The following PTPN4 variants were observed in gnomAD, a reference collection of about 807,000 sequenced individuals.
PTPN4 encodes the protein tyrosine-protein phosphatase non-receptor type 4.
A neutral mutation model predicts 135.5 loss-of-function variants in PTPN4; 49 were observed. The ratio of observed to expected loss-of-function variants is 0.36; its 90% CI spans 0.29 to 0.46. The LOEUF (loss-of-function observed/expected upper bound fraction) is 0.46, where lower values mean the gene tolerates loss of function less well. Ranked by LOEUF, PTPN4 falls within the 20% of genes least tolerant of loss-of-function variation. The pLI, the probability that PTPN4 is intolerant of heterozygous loss-of-function variation, is 1.00. For synonymous variants in PTPN4, 333 were observed against 369.9 expected, an observed-to-expected ratio of 0.90 and a Z score of 1.14; for missense variants, 860 against 1,101.0, an observed-to-expected ratio of 0.78 and a Z score of 3.10.
chr2:119,877,796 C>G (rs973603105), intron 5 of PTPN4, among the ~76,000 whole-genome samples: 1 of 152,098 alleles, frequency 6.6e-6, no homozygotes, highest in Non-Finnish European at 1.5e-5. Context: ...TTAAAAATTT[C>G]TACTTGTGAA....
intron 22 of PTPN4, among the ~76,000 whole-genome samples, chr2:119,958,732 A>C (rs1329152823): frequency 1.3e-5 from 2 of 152,166 alleles, no homozygotes; most frequent in African/African-American, 4.8e-5. Flanking sequence ...ATCAATACAT[A>C]CTGTTGTTTC....
chr2:119,966,509 C>G (rs545478839), intron 25 of PTPN4, among the ~76,000 whole-genome samples: 1 of 152,196 alleles, frequency 6.6e-6, no homozygotes. Flanking sequence ...CCACCTACTT[C>G]GGCCTCACAA....
chr2:119,831,258 G>A (rs1346360011), intron 2 of PTPN4, among the ~76,000 whole-genome samples: 3 of 152,120 alleles, frequency 2.0e-5, no homozygotes, highest in Non-Finnish European at 2.9e-5. Context: ...ATACTCTCCC[G>A]CCCATCGCTC....
chr2:119,892,670 G>A (rs1232182264), intron 9 of PTPN4, among the ~76,000 whole-genome samples: 1 of 152,024 alleles, frequency 6.6e-6, no homozygotes, highest in African/African-American at 2.4e-5. Context: ...GAGAGTATTA[G>A]GGCATGAGAT....
chr2:119,765,172 A>T (rs1218047086), intron 1 of PTPN4, among the ~76,000 whole-genome samples: 1 of 152,260 alleles, frequency 6.6e-6, no homozygotes, highest in Non-Finnish European at 1.5e-5. Context: ...CTTTAAATAC[A>T]AGAGATGATC....
At chr2:119,954,346 T>G (rs1331961167) in intron 19 of PTPN4, among the ~76,000 whole-genome samples, 1 of 152,188 alleles carries the variant, frequency 6.6e-6, no homozygotes, top group Non-Finnish European at 1.5e-5. Flanking sequence ...TGCCAAGCTG[T>G]AACCTCCCTT....
chr2:119,849,986 CTT>C (rs1202831234), intron 2 of PTPN4, among the ~76,000 whole-genome samples: 1 of 152,206 alleles, frequency 6.6e-6, no homozygotes, highest in Non-Finnish European at 1.5e-5. Flanking sequence ...TGAGGCCAAT[CTT>C]TGATGTTTGT....
Position 119,843,518 on chromosome 2 carries a change from C to T in PTPN4, c.139-19018C>T, listed in dbSNP as rs1489653603. ...TGAGCTGTTGGGCACACCTCCCAGA[C>T]GGGGTGGTGGCCGGGCAGAGGGGCT... On this transcript the variant is annotated intron_variant, in intron 2 of 26. Coordinates refer to ENST00000263708, the MANE Select transcript of PTPN4 (RefSeq NM_002830.4). 3.0e-4 allele frequency among the ~76,000 whole-genome samples: 36 copies of T among 120,690 alleles called. No homozygotes were observed. In the East Asian group the frequency reaches 4.4e-3, roughly 15 times the overall value. The allele number at this position is 120,690 out of a possible 152,430, so 79.2% of individuals were successfully genotyped here.
At chr2:119,830,867 GA>G (rs1226905482) in intron 2 of PTPN4, among the ~76,000 whole-genome samples, 2 of 152,144 alleles carry the variant, frequency 1.3e-5, no homozygotes, top group African/African-American at 2.4e-5. Context: ...AAGCCAAGCA[GA>G]TGCCAGCATC....
intron 3 of PTPN4, among the ~76,000 whole-genome samples, chr2:119,868,617 C>T (rs1164854589): frequency 4.6e-5 from 7 of 152,154 alleles, no homozygotes; most frequent in Non-Finnish European, 7.4e-5. Flanking sequence ...CCACCCAGGG[C>T]GGAAAACCGC....
chr2:119,956,236 A>ATTTT (rs1558774437), intron 20 of PTPN4, among the ~76,000 whole-genome samples: 1 of 87,990 alleles, frequency 1.1e-5, no homozygotes, highest in Non-Finnish European at 2.5e-5. Flanking sequence ...AATAAACCTG[A>ATTTT]ATTTTTTTTT....
chr2:119,783,611 A>G (rs1237667691), intron 1 of PTPN4, among the ~76,000 whole-genome samples: 1 of 152,268 alleles, frequency 6.6e-6, no homozygotes, highest in Non-Finnish European at 1.5e-5. Context: ...TCATTATGAT[A>G]TGGTGGAAAT....
intron 10 of PTPN4, among the ~76,000 whole-genome samples, chr2:119,901,553 G>A (rs1372955730): frequency 1.3e-5 from 2 of 152,094 alleles, no homozygotes; most frequent in African/African-American, 4.8e-5. Context: ...CTTTTACCCA[G>A]TATATCATAT....
intron 2 of PTPN4, among the ~76,000 whole-genome samples, chr2:119,818,442 G>GC (rs1677020642): frequency 6.6e-6 from 1 of 152,176 alleles, no homozygotes; most frequent in Non-Finnish European, 1.5e-5. Context: ...GCTAAGAATG[G>GC]TTTTTTACAT....
intron 1 of PTPN4, among the ~76,000 whole-genome samples, chr2:119,797,242 C>A (rs1017151816): frequency 6.6e-6 from 1 of 152,160 alleles, no homozygotes; most frequent in African/African-American, 2.4e-5. Context: ...CCACTCTCCA[C>A]TGAATTCCCT....
At chr2:119,770,604 C>T (rs545734923) in intron 1 of PTPN4, among the ~76,000 whole-genome samples, 1 of 152,020 alleles carries the variant, frequency 6.6e-6, no homozygotes, top group East Asian at 1.9e-4. Context: ...ATGCTTTGTA[C>T]CATAATTTTT....
At chr2:119,921,155 T>C (rs3111715) in intron 12 of PTPN4, among the ~76,000 whole-genome samples, 61,420 of 151,692 alleles carry the variant, frequency 0.4, 14,315 homozygotes, top group African/African-American at 0.65. Context: ...GCTGTGGTGG[T>C]GGGCGCTTGT....
intron 9 of PTPN4, among the ~76,000 whole-genome samples, chr2:119,895,644 G>A (rs1360967168): frequency 4.0e-5 from 6 of 151,738 alleles, no homozygotes; most frequent in East Asian, 2.0e-4. Context: ...GAAAAAGGCC[G>A]GGTGCAGTGG....
chr2:119,762,201 T>A (rs1448085637), intron 1 of PTPN4, among the ~76,000 whole-genome samples: 2 of 152,102 alleles, frequency 1.3e-5, no homozygotes, highest in Non-Finnish European at 2.9e-5. Flanking sequence ...TTCATTATTG[T>A]TGAAGGACTT....
Sources: allele counts gnomAD v4.1 joint callset (sites outside exome capture counted in the v4.1 genomes callset), GRCh38; gene constraint gnomAD v4.1.1; transcripts MANE v1.5; gene names NCBI Gene and HGNC (gene_info 2026-07-23, HGNC 2026-07-21).